Variants in UTRN observed in about 807,000 individuals in gnomAD.
UTRN encodes the protein dystrophin-related protein 1.
Under a neutral mutation model 463.9 loss-of-function variants are expected in UTRN, and 283 were observed. The ratio of observed to expected loss-of-function variants is 0.61; its 90% CI spans 0.55 to 0.67. The LOEUF (loss-of-function observed/expected upper bound fraction) is 0.67. Ranked by LOEUF, UTRN falls within the 30% of genes least tolerant of loss-of-function variation. The pLI, the probability that UTRN is intolerant of heterozygous loss-of-function variation, is 0.00. For missense variants in UTRN, 3,922 were observed against 4,084.3 expected (o/e 0.96, Z 1.08); for synonymous variants, 1,442 against 1,431.5 (o/e 1.01, Z -0.17).
chr6:144,548,865 A>G lies in UTRN; in HGVS notation c.6810+11A>G. 1 of 1,613,092 alleles carries G rather than the reference A, an allele frequency of 6.2e-7. No homozygotes were observed. The highest frequency in any genetic ancestry group is 8.5e-7 in the Non-Finnish European group (1 of 1,179,548). ...GTTTCCCGAATGAAAGTAGGTGCAT[A>G]GTGTAAAAGCTTGTCATGGAAACGC... is the stretch of plus-strand genomic sequence containing the variant. On this transcript the variant is annotated intron_variant, in intron 47 of 74. Coordinates refer to ENST00000367545, the MANE Select transcript of UTRN (RefSeq NM_007124.3).
intron 39 of UTRN, 106 bp downstream of exon 39, chr6:144,517,054 A>G (rs578161283): frequency 2.8e-4 from 281 of 1,003,920 alleles, no homozygotes; most frequent in Non-Finnish European, 3.6e-4. Context: ...ACCAGTTGGA[A>G]TATCATCTCC....
intron 71 of UTRN, chr6:144,838,965 C>T: frequency 2.1e-6 from 1 of 472,652 alleles, no homozygotes; most frequent in Non-Finnish European, 3.8e-6. Context: ...GCAGCATAAC[C>T]AAGTGGATTC....
intron 1 of UTRN, among the ~76,000 whole-genome samples, chr6:144,289,260 G>C (rs936070419): frequency 5.3e-5 from 8 of 152,240 alleles, no homozygotes; most frequent in Non-Finnish European, 1.2e-4. Flanking sequence ...AAATTGGGGA[G>C]TCATTTTGCA....
intron 65 of UTRN, among the ~76,000 whole-genome samples, chr6:144,813,585 C>T (rs1778819907): frequency 1.3e-5 from 2 of 152,026 alleles, no homozygotes; most frequent in African/African-American, 4.8e-5. Flanking sequence ...AACTAGACAG[C>T]AAAACTAAAA....
intron 2 of UTRN, among the ~76,000 whole-genome samples, chr6:144,373,145 ACTCAGTAATTTCT>A (rs1238416010): frequency 1.3e-5 from 2 of 152,198 alleles, no homozygotes; most frequent in African/African-American, 4.8e-5. Context: ...TTATCATATA[ACTCAGTAATTTCT>A]CTCTAAGTTT....
chr6:144,532,799 T>G (rs79989696), intron 42 of UTRN, among the ~76,000 whole-genome samples: 1 of 152,220 alleles, frequency 6.6e-6, no homozygotes, highest in Non-Finnish European at 1.5e-5. Context: ...TATGCTTTAA[T>G]GTAAACAGCT....
At chr6:144,497,168 T>A (rs1793730203) in intron 33 of UTRN, among the ~76,000 whole-genome samples, 1 of 152,144 alleles carries the variant, frequency 6.6e-6, no homozygotes, top group East Asian at 1.9e-4. Context: ...GGAGTGGATG[T>A]GAGGAGACTG....
chr6:144,715,986 T>G (rs1191472091), intron 53 of UTRN, among the ~76,000 whole-genome samples: 1 of 152,174 alleles, frequency 6.6e-6, no homozygotes, highest in African/African-American at 2.4e-5. Flanking sequence ...AGGTAATAAC[T>G]GAAATAGAAG....
At chr6:144,649,429 G>A (rs1778588097) in intron 51 of UTRN, among the ~76,000 whole-genome samples, 1 of 152,176 alleles carries the variant, frequency 6.6e-6, no homozygotes, top group Admixed American at 6.5e-5. Context: ...AAATCAAAAT[G>A]TATTTCCCCA....
chr6:144,299,863 A>G (rs903984334), intron 2 of UTRN, among the ~76,000 whole-genome samples: 1 of 152,148 alleles, frequency 6.6e-6, no homozygotes, highest in African/African-American at 2.4e-5. Flanking sequence ...AATGTATTAT[A>G]TATGTATTAA....
intron 1 of UTRN, among the ~76,000 whole-genome samples, chr6:144,288,215 A>G (rs1041893058): frequency 3.3e-5 from 5 of 152,214 alleles, no homozygotes; most frequent in African/African-American, 1.2e-4. Context: ...GTATCTTTGC[A>G]ACCTGTAAGG....
intron 2 of UTRN, among the ~76,000 whole-genome samples, chr6:144,396,626 A>G (rs1212401063): frequency 6.6e-6 from 1 of 152,228 alleles, no homozygotes; most frequent in East Asian, 1.9e-4. Context: ...GTGAATTTAA[A>G]TGGGTAAATT....
intron 53 of UTRN, among the ~76,000 whole-genome samples, chr6:144,718,755 G>T (rs1016500171): frequency 7.2e-5 from 11 of 152,122 alleles, no homozygotes; most frequent in African/African-American, 2.7e-4. Flanking sequence ...TTGGCTTTCC[G>T]CTATACCTGC....
At position 144,458,880 on chromosome 6, in the gene UTRN, G is replaced by A; in HGVS notation, c.2395G>A (p.Asp799Asn). The stretch of plus-strand genomic sequence containing the variant: ...AGAAAGAAAGATTCAGCTACAGGAA[G>A]ATATAAATGCTTATTTCAAGCAGCT... ...DLERKIQLQE[D>N]INAYFKQLDE... Residue 799 changes from aspartate (D) to asparagine (N), a missense_variant, in exon 20 of 75, where the codon GAT becomes AAT. Coordinates refer to ENST00000367545, the MANE Select transcript of UTRN (RefSeq NM_007124.3). 1 of 1,613,920 alleles carries A rather than the reference G, an allele frequency of 6.2e-7. No homozygotes were observed. The highest frequency in any genetic ancestry group is 2.2e-5 in the East Asian group (1 of 44,872).
At chr6:144,371,685 G>A (rs1207645046) in intron 2 of UTRN, among the ~76,000 whole-genome samples, 3 of 152,334 alleles carry the variant, frequency 2.0e-5, no homozygotes, top group African/African-American at 7.2e-5. Flanking sequence ...TGGGATTACA[G>A]GCATGAGCCA....
intron 2 of UTRN, among the ~76,000 whole-genome samples, chr6:144,363,114 A>G (rs1779218366): frequency 6.6e-6 from 1 of 152,220 alleles, no homozygotes. Flanking sequence ...GTTATACATA[A>G]TAATTGATGG....
chr6:144,294,004 T>A (rs2473132), intron 2 of UTRN, among the ~76,000 whole-genome samples: 44,149 of 152,014 alleles, frequency 0.29, 9,402 homozygotes, highest in African/African-American at 0.61. Context: ...TTTTTAAAAA[T>A]TTAGTGAAGT....
chr6:144,371,473 G>A (rs971050905), intron 2 of UTRN, among the ~76,000 whole-genome samples: 9 of 152,140 alleles, frequency 5.9e-5, no homozygotes, highest in Non-Finnish European at 7.3e-5. Context: ...GTGCAATGGC[G>A]CAATCTCGGC....
chr6:144,733,260 TG>T (rs1188173929), intron 54 of UTRN, among the ~76,000 whole-genome samples: 1 of 152,174 alleles, frequency 6.6e-6, no homozygotes, highest in Non-Finnish European at 1.5e-5. Flanking sequence ...GGCTTACACT[TG>T]TAATCCCAGG....
Sources: allele counts gnomAD v4.1 joint callset (sites outside exome capture counted in the v4.1 genomes callset), GRCh38; gene constraint gnomAD v4.1.1; transcripts MANE v1.5; gene names NCBI Gene and HGNC (gene_info 2026-07-23, HGNC 2026-07-21).